LRRC10B: variants seen among roughly 807,000 people sequenced by gnomAD.
The protein encoded by LRRC10B is leucine rich repeat containing 10B.
For synonymous variants in LRRC10B, 204 were observed against 221.5 expected (o/e 0.92, Z 0.70); for missense variants, 389 against 436.5 (o/e 0.89, Z 0.97).
In LRRC10B at chr11:61,509,340, C is replaced by A. The variant is rs1248645380; in HGVS notation, c.342C>A (p.Ser114Arg). 7 of 1,496,542 alleles carry A rather than the reference C, an allele frequency of 4.7e-6. No homozygotes were observed. The African/African-American group carries it at 7.2e-5, about 15-fold the overall frequency. The allele number at this position is 1,496,542 out of a possible 1,614,324, so 92.7% of individuals were successfully genotyped here. Reference sequence around the variant, plus strand: ...CCGCCGACTTCGCGCAGTTGCAGAGCCTGCGCTGCCTCTGGATCGAGGGCA... The same window carrying A: ...CCGCCGACTTCGCGCAGTTGCAGAGACTGCGCTGCCTCTGGATCGAGGGCA... ...ALPADFAQLQ[S>R]LRCLWIEGNF... Residue 114 changes from serine to arginine, a missense_variant, in exon 1 of 1, where the codon AGC becomes AGA. Transcript: ENST00000378075.
At position 61,509,810 on chromosome 11, in the gene LRRC10B, C is replaced by T. The variant is rs919633830; in HGVS notation, c.812C>T (p.Ser271Phe). ...GACCTGCTCATAGGCGGCGCTGGTT[C>T]CCGGGCTCTGGGCGCCCCCGGGGGC... ...EEDLLIGGAG[S>F]RALGAPGGSF... Residue 271 changes from serine to phenylalanine, a missense_variant, in exon 1 of 1, where the codon TCC becomes TTC. Coordinates refer to ENST00000378075, the MANE Select transcript of LRRC10B (RefSeq NM_001145077.2). The T allele has an allele frequency of 2.0e-5, 30 of 1,532,184 alleles. No homozygotes were observed. The highest frequency in any genetic ancestry group is 2.6e-5 in the Non-Finnish European group (30 of 1,143,396). 94.9% of individuals were successfully genotyped at this position (1,532,184 alleles called of 1,614,324 possible). A position where few individuals can be genotyped will look rare whatever the true frequency, so the allele number is the denominator to read the frequency against.
chr11:61,508,961 G>A lies in LRRC10B; in HGVS notation c.-38G>A, dbSNP rs1590795271. The A allele has an allele frequency of 2.3e-6, 3 of 1,278,162 alleles. No homozygotes were observed. Among genetic ancestry groups the A allele is most frequent in the East Asian group, 6.4e-5 (2 of 31,324 alleles). 79.2% of individuals were successfully genotyped at this position (1,278,162 alleles called of 1,614,324 possible). ...CGGCCGGGGCGGGGCGATGCCTGGC[G>A]GTGGCAGTGGCGGCGGCCCCGGCCG... On this transcript the variant is annotated 5_prime_UTR_variant, in exon 1 of 1. Transcript: ENST00000378075.
Position 61,509,262 on chromosome 11 carries a change from C to T in LRRC10B, c.264C>T (p.Arg88=), listed in dbSNP as rs928919318. 4 of 1,520,486 alleles carry T rather than the reference C, an allele frequency of 2.6e-6. No homozygotes were observed. Among genetic ancestry groups the T allele is most frequent in the Middle Eastern group, 1.8e-4 (1 of 5,620 alleles). 94.2% of individuals were successfully genotyped at this position (1,520,486 alleles called of 1,614,324 possible). A position where few individuals can be genotyped will look rare whatever the true frequency, so the allele number is the denominator to read the frequency against. Residue 88 remains arginine (R), a synonymous_variant, in exon 1 of 1, where the codon CGC becomes CGT. Coordinates refer to ENST00000378075, the MANE Select transcript of LRRC10B (RefSeq NM_001145077.2). ...AGCGACTGCCTGACGGCCTGTGCCG[C>T]CTGCCGCGCCTCACGCGCCTCTATC... ...KLERLPDGLC[R]LPRLTRLYLG... is the part of the protein sequence containing the mutation.
rs2062081302 is a variant in LRRC10B, at chr11:61,510,681, AGAGGGGCTCTCTGCTCTGG to A, written c.*809_*827del. 2 of 167,226 alleles carry A rather than the reference AGAGGGGCTCTCTGCTCTGG, an allele frequency of 1.2e-5. No homozygotes were observed. The highest frequency in any genetic ancestry group is 4.2e-4 in the South Asian group (2 of 4,818). The allele number at this position is 167,226 out of a possible 1,614,324, so 10.4% of individuals were successfully genotyped here. Reference sequence around the variant, plus strand: ...GCCTCCAGGGCCTCCTGCACCGCAGAGAGGGGCTCTCTGCTCTGGGAGGCTGCTCAGCGCCTCTCCCACG... The same window carrying A: ...GCCTCCAGGGCCTCCTGCACCGCAGAGAGGCTGCTCAGCGCCTCTCCCACG... On this transcript the variant is annotated 3_prime_UTR_variant, in exon 1 of 1. Coordinates refer to ENST00000378075, the MANE Select transcript of LRRC10B (RefSeq NM_001145077.2).
At position 61,510,011 on chromosome 11, in the gene LRRC10B, C is replaced by A; in HGVS notation, c.*134C>A. ...CGGCTACTTTTGGCGAGTTGCCGGGCACAGGCAGGGCTGGGGCTCATCTTC... is the reference window on the plus strand; with the variant it reads ...CGGCTACTTTTGGCGAGTTGCCGGGAACAGGCAGGGCTGGGGCTCATCTTC... On this transcript the variant is annotated 3_prime_UTR_variant, in exon 1 of 1. Transcript: ENST00000378075. 1 of 914,090 alleles carries A rather than the reference C, an allele frequency of 1.1e-6. No homozygotes were observed. Among genetic ancestry groups the A allele is most frequent in the Non-Finnish European group, 1.6e-6 (1 of 634,094 alleles). 56.6% of individuals were successfully genotyped at this position (914,090 alleles called of 1,614,324 possible). A position where few individuals can be genotyped will look rare whatever the true frequency, so the allele number is the denominator to read the frequency against.
At position 61,509,660 on chromosome 11, in the gene LRRC10B, G is replaced by T. The variant is rs956503114; in HGVS notation, c.662G>T (p.Arg221Leu). 6.6e-6 allele frequency: 10 copies of T among 1,519,922 alleles called. No homozygotes were observed. The highest frequency in any genetic ancestry group is 8.8e-6 in the Non-Finnish European group (10 of 1,139,854). The allele number at this position is 1,519,922 out of a possible 1,614,324, so 94.2% of individuals were successfully genotyped here. Residue 221 changes from arginine (R) to leucine (L), a missense_variant, in exon 1 of 1, where the codon CGC becomes CTC. Physicochemically the swap from Arg to Leu is moderately radical, Grantham distance 102. Coordinates refer to ENST00000378075, the MANE Select transcript of LRRC10B (RefSeq NM_001145077.2). ...YDHNPVTGPP[R>L]VADTVFLVGE... The stretch of plus-strand genomic sequence containing the variant: ...CACAACCCCGTCACCGGGCCCCCGC[G>T]CGTCGCGGACACCGTGTTCCTCGTG...
Position 61,508,990 on chromosome 11 carries a change from C to A in LRRC10B, c.-9C>A. On this transcript the variant is annotated 5_prime_UTR_variant, in exon 1 of 1. Coordinates refer to ENST00000378075, the MANE Select transcript of LRRC10B (RefSeq NM_001145077.2). ...GCAGTGGCGGCGGCCCCGGCCGGGG[C>A]CCGTGACCATGGGCATCGCCGAGTC... The A allele has an allele frequency of 2.2e-6, 3 of 1,335,500 alleles. No homozygotes were observed. The highest frequency in any genetic ancestry group is 2.9e-6 in the Non-Finnish European group (3 of 1,049,334). The allele number at this position is 1,335,500 out of a possible 1,614,324, so 82.7% of individuals were successfully genotyped here. A position where few individuals can be genotyped will look rare whatever the true frequency, so the allele number is the denominator to read the frequency against.
rs562233280 is a variant in LRRC10B at position 61,510,677 on chromosome 11, G to A, written c.*800G>A. 3.6e-4 allele frequency: 61 copies of A among 167,164 alleles called. No homozygotes were observed. The highest frequency in any genetic ancestry group is 6.5e-4 in the Admixed American group (10 of 15,306). The allele number at this position is 167,164 out of a possible 1,614,324, so 10.4% of individuals were successfully genotyped here. On this transcript the variant is annotated 3_prime_UTR_variant, in exon 1 of 1. Transcript: ENST00000378075. ...CCGTGCCTCCAGGGCCTCCTGCACC[G>A]CAGAGAGGGGCTCTCTGCTCTGGGA...
Position 61,509,948 on chromosome 11 carries a change from C to A in LRRC10B, c.*71C>A. ...CTCTAGGAAGCTTTGGCTGGTTAGG[C>A]CTGCGGGACTGGTGGGTCCCTACTT... is the stretch of plus-strand genomic sequence containing the variant. On this transcript the variant is annotated 3_prime_UTR_variant, in exon 1 of 1. Coordinates refer to ENST00000378075, the MANE Select transcript of LRRC10B (RefSeq NM_001145077.2). The A allele has an allele frequency of 1.4e-6, 2 of 1,402,092 alleles. No individual in the cohort carries two copies. Among genetic ancestry groups the A allele is most frequent in the Non-Finnish European group, 1.9e-6 (2 of 1,072,298 alleles). The allele number at this position is 1,402,092 out of a possible 1,614,324, so 86.9% of individuals were successfully genotyped here.
At position 61,508,899 on chromosome 11, in the gene LRRC10B, CCGGCGCGGCTCCGGCACCGTCGGGG is replaced by C; in HGVS notation, c.-95_-71del. On this transcript the variant is annotated 5_prime_UTR_variant, in exon 1 of 1. Transcript: ENST00000378075. ...AAGGCCGGGGCGGGGGGCCCGGGGG[CCGGCGCGGCTCCGGCACCGTCGGGG>C]CGGCTGGGGGGCGGCCGGGGCGGGG... 3 of 908,128 alleles carry C rather than the reference CCGGCGCGGCTCCGGCACCGTCGGGG, an allele frequency of 3.3e-6. No individual in the cohort carries two copies. The highest frequency in any genetic ancestry group is 9.9e-5 in the South Asian group (2 of 20,268). 56.3% of individuals were successfully genotyped at this position (908,128 alleles called of 1,614,324 possible). A position where few individuals can be genotyped will look rare whatever the true frequency, so the allele number is the denominator to read the frequency against.
Position 61,508,931 on chromosome 11 carries a change from G to T in LRRC10B, c.-68G>T. On this transcript the variant is annotated 5_prime_UTR_variant, in exon 1 of 1. Coordinates refer to ENST00000378075, the MANE Select transcript of LRRC10B (RefSeq NM_001145077.2). ...GGCTCCGGCACCGTCGGGGCGGCTGGGGGGCGGCCGGGGCGGGGCGATGCC... is the reference window on the plus strand; with the variant it reads ...GGCTCCGGCACCGTCGGGGCGGCTGTGGGGCGGCCGGGGCGGGGCGATGCC... 1 of 1,170,246 alleles carries T rather than the reference G, an allele frequency of 8.5e-7. No individual in the cohort carries two copies. The highest frequency in any genetic ancestry group is 4.0e-5 in the South Asian group (1 of 24,778). 72.5% of individuals were successfully genotyped at this position (1,170,246 alleles called of 1,614,324 possible). A position where few individuals can be genotyped will look rare whatever the true frequency, so the allele number is the denominator to read the frequency against.
rs1228355422 is a variant in LRRC10B at position 61,509,569 on chromosome 11, C to A, written c.571C>A (p.Arg191Ser). 8 of 1,520,198 alleles carry A rather than the reference C, an allele frequency of 5.3e-6. No homozygotes were observed. The highest frequency in any genetic ancestry group is 1.2e-5 in the South Asian group (1 of 82,376). 94.2% of individuals were successfully genotyped at this position (1,520,198 alleles called of 1,614,324 possible). A position where few individuals can be genotyped will look rare whatever the true frequency, so the allele number is the denominator to read the frequency against. Residue 191 changes from arginine to serine, a missense_variant, in exon 1 of 1, where the codon CGC becomes AGC. Coordinates refer to ENST00000378075, the MANE Select transcript of LRRC10B (RefSeq NM_001145077.2). ...MGRLHILDLDRNRLGGFPDLH... is the reference protein window; with the variant it reads ...MGRLHILDLDSNRLGGFPDLH... ...CCGCCTGCACATCCTCGACCTCGAC[C>A]GCAACCGCCTGGGCGGCTTCCCCGA...
chr11:61,509,859 T>C lies in LRRC10B; in HGVS notation c.861T>C (p.Ala287=), dbSNP rs1473842881. 3 of 1,520,592 alleles carry C rather than the reference T, an allele frequency of 2.0e-6. No homozygotes were observed. In the Admixed American group the frequency reaches 6.6e-5, roughly 34 times the overall value. The allele number at this position is 1,520,592 out of a possible 1,614,324, so 94.2% of individuals were successfully genotyped here. ...PGGSFRALEA[A]PGLGT ...GCAGCTTCCGCGCCCTGGAAGCCGC[T>C]CCAGGACTGGGCACCTGAGCCTATG... The change falls in exon 1 of 1, where the codon GCT becomes GCC. Residue 287 remains alanine (A), a synonymous_variant. Coordinates refer to ENST00000378075, the MANE Select transcript of LRRC10B (RefSeq NM_001145077.2).
rs1406908877 is a variant in LRRC10B at position 61,509,835 on chromosome 11, C to T, written c.837C>T (p.Gly279=). The T allele has an allele frequency of 2.6e-6, 4 of 1,531,856 alleles. No individual in the cohort carries two copies. Among genetic ancestry groups the T allele is most frequent in the Non-Finnish European group, 3.5e-6 (4 of 1,142,200 alleles). 94.9% of individuals were successfully genotyped at this position (1,531,856 alleles called of 1,614,324 possible). A position where few individuals can be genotyped will look rare whatever the true frequency, so the allele number is the denominator to read the frequency against. The change falls in exon 1 of 1, where the codon GGC becomes GGT. Residue 279 remains glycine, a synonymous_variant. Transcript: ENST00000378075. Reference sequence around the variant, plus strand: ...CCCGGGCTCTGGGCGCCCCCGGGGGCAGCTTCCGCGCCCTGGAAGCCGCTC... The same window carrying T: ...CCCGGGCTCTGGGCGCCCCCGGGGGTAGCTTCCGCGCCCTGGAAGCCGCTC... ...AGSRALGAPG[G]SFRALEAAPG...
rs1167086523 is a variant in LRRC10B, at chr11:61,509,747, G to A, written c.749G>A (p.Arg250Gln). Reference sequence around the variant, plus strand: ...GAGCCCACGCCCCGGCCTCCGCCCCGGCGCCCAGCGCGGGCCTTTGAGGAT... The same window carrying A: ...GAGCCCACGCCCCGGCCTCCGCCCCAGCGCCCAGCGCGGGCCTTTGAGGAT... Reference protein sequence around the residue: ...RDEPTPRPPPRRPARAFEDEE... With the variant: ...RDEPTPRPPPQRPARAFEDEE... The change falls in exon 1 of 1, where the codon CGG becomes CAG. Residue 250 changes from arginine to glutamine, a missense_variant. By Grantham distance (43) the Arg-to-Gln change is conservative. Transcript: ENST00000378075. The A allele has an allele frequency of 1.3e-6, 2 of 1,522,128 alleles. No individual in the cohort carries two copies. 94.3% of individuals were successfully genotyped at this position (1,522,128 alleles called of 1,614,324 possible). A position where few individuals can be genotyped will look rare whatever the true frequency, so the allele number is the denominator to read the frequency against.
chr11:61,509,082 G>C lies in LRRC10B; in HGVS notation c.84G>C (p.Leu28=). Reference sequence around the variant, plus strand: ...GCAGCGGCGACCAGCAGCTGGAGCTGAGCGGGCGGCGGTTGCGGCGGCTGC... The same window carrying C: ...GCAGCGGCGACCAGCAGCTGGAGCTCAGCGGGCGGCGGTTGCGGCGGCTGC... ...QLRSGDQQLE[L]SGRRLRRLPS... Residue 28 remains leucine (L), a synonymous_variant, in exon 1 of 1, where the codon CTG becomes CTC. Coordinates refer to ENST00000378075, the MANE Select transcript of LRRC10B (RefSeq NM_001145077.2). The C allele has an allele frequency of 6.6e-7, 1 of 1,512,942 alleles. No homozygotes were observed. The highest frequency in any genetic ancestry group is 8.8e-7 in the Non-Finnish European group (1 of 1,139,084). The allele number at this position is 1,512,942 out of a possible 1,614,324, so 93.7% of individuals were successfully genotyped here. A position where few individuals can be genotyped will look rare whatever the true frequency, so the allele number is the denominator to read the frequency against.
Position 61,509,714 on chromosome 11 carries a change from A to C in LRRC10B, c.716A>C (p.Glu239Ala), listed in dbSNP as rs1354760071. The change falls in exon 1 of 1, where the codon GAG becomes GCG. Residue 239 changes from glutamate (E) to alanine (A), a missense_variant. Physicochemically the swap from Glu to Ala is moderately radical, Grantham distance 107. Coordinates refer to ENST00000378075, the MANE Select transcript of LRRC10B (RefSeq NM_001145077.2). ...VGEGAVERMA[E>A]RDEPTPRPPP... is the part of the protein sequence containing the mutation. ...GAGGGCGCCGTCGAGCGCATGGCGG[A>C]GCGCGACGAGCCCACGCCCCGGCCT... 2 of 1,512,572 alleles carry C rather than the reference A, an allele frequency of 1.3e-6. No homozygotes were observed. The highest frequency in any genetic ancestry group is 1.8e-6 in the Non-Finnish European group (2 of 1,138,256). The allele number at this position is 1,512,572 out of a possible 1,614,324, so 93.7% of individuals were successfully genotyped here.
rs2062077818 is a variant in LRRC10B, at chr11:61,509,966, CCCT to C, written c.*90_*92del. 2.2e-6 allele frequency: 3 copies of C among 1,344,790 alleles called. No homozygotes were observed. Among genetic ancestry groups the C allele is most frequent in the East Asian group, 2.9e-5 (1 of 34,670 alleles). The allele number at this position is 1,344,790 out of a possible 1,614,324, so 83.3% of individuals were successfully genotyped here. A position where few individuals can be genotyped will look rare whatever the true frequency, so the allele number is the denominator to read the frequency against. The stretch of plus-strand genomic sequence containing the variant: ...GGTTAGGCCTGCGGGACTGGTGGGT[CCCT>C]ACTTAGGTCAATGGAACGGCTACTT... On this transcript the variant is annotated 3_prime_UTR_variant, in exon 1 of 1. Transcript: ENST00000378075.
Position 61,509,669 on chromosome 11 carries a change from A to C in LRRC10B, c.671A>C (p.Asp224Ala), listed in dbSNP as rs2062075603. The change falls in exon 1 of 1, where the codon GAC becomes GCC. Residue 224 changes from aspartate (D) to alanine (A), a missense_variant. By Grantham distance (126) the Asp-to-Ala change is moderately radical. Coordinates refer to ENST00000378075, the MANE Select transcript of LRRC10B (RefSeq NM_001145077.2). ...NPVTGPPRVA[D>A]TVFLVGEGAV... ...GTCACCGGGCCCCCGCGCGTCGCGG[A>C]CACCGTGTTCCTCGTGGGCGAGGGC... The C allele has an allele frequency of 6.6e-7, 1 of 1,519,940 alleles. No individual in the cohort carries two copies. The highest frequency in any genetic ancestry group is 8.8e-7 in the Non-Finnish European group (1 of 1,139,856). The allele number at this position is 1,519,940 out of a possible 1,614,324, so 94.2% of individuals were successfully genotyped here.
Sources: gnomAD v4.1 joint callset for allele counts on GRCh38, gnomAD v4.1.1 for gene constraint, MANE v1.5 for transcripts, NCBI Gene and HGNC (gene_info 2026-07-23, HGNC 2026-07-21) for gene names.